The following PPT1 variants were observed in gnomAD, a reference collection of about 807,000 sequenced individuals.
PPT1 encodes the protein ceroid-palmitoyl-palmitoyl-protein thioesterase 1.
PPT1 carries 24 observed loss-of-function variants against 44.0 expected under a neutral mutation model. The ratio of observed to expected loss-of-function variants is 0.54; its 90% confidence interval spans 0.39 to 0.77. The LOEUF is 0.77. Ranked by LOEUF, PPT1 falls within the 30% of genes least tolerant of loss-of-function variation. The pLI is 0.00. For synonymous variants in PPT1, 148 were observed against 140.2 expected (o/e 1.06, Z -0.39); for missense variants, 341 against 378.8 (o/e 0.90, Z 0.83).
At position 40,073,301 on chromosome 1, in the gene PPT1, G is replaced by A. The variant is rs1557704125; in HGVS notation, c.*760C>T. 6.6e-6 allele frequency: 1 copy of A among 152,302 alleles called. No individual in the cohort carries two copies. The highest frequency in any genetic ancestry group is 1.5e-5 in the Non-Finnish European group (1 of 68,122). The allele number at this position is 152,302 out of a possible 1,614,324, so 9.4% of individuals were successfully genotyped here. A position where few individuals can be genotyped will look rare whatever the true frequency, so the allele number is the denominator to read the frequency against. On this transcript the variant is annotated 3_prime_UTR_variant, in exon 9 of 9. Transcript: ENST00000642050. ...CATATTAAGAAAGGGCAGGTTGGTC[G>A]AGAATGGAATAGGAAGAACTAGCTG...
rs1164619144 is a variant in PPT1, at chr1:40,084,682, C to T, written c.537-4195G>A. Among the ~76,000 whole-genome samples, 5 of 152,222 alleles carry T rather than the reference C, an allele frequency of 3.3e-5. No individual in the cohort carries two copies. The East Asian group carries it at 7.7e-4, about 23-fold the overall frequency. On this transcript the variant is annotated intron_variant, in intron 5 of 8. Coordinates refer to ENST00000642050, the MANE Select transcript of PPT1 (RefSeq NM_000310.4). Reference sequence around the variant, plus strand: ...AGTTATCCTAGACCTAGATCATAAACATGATTATATATGAATACCATTCAT... The same window carrying T: ...AGTTATCCTAGACCTAGATCATAAATATGATTATATATGAATACCATTCAT...
In PPT1 at chr1:40,096,604, C is replaced by T. The variant is rs556832415; in HGVS notation, c.124+511G>A. 2.0e-5 allele frequency among the ~76,000 whole-genome samples: 3 copies of T among 151,796 alleles called. No homozygotes were observed. In the East Asian group the frequency reaches 5.8e-4, roughly 29 times the overall value. On this transcript the variant is annotated intron_variant, in intron 1 of 8. Coordinates refer to ENST00000642050, the MANE Select transcript of PPT1 (RefSeq NM_000310.4). ...GAAAAATAAATAAATTTCCTGTTTA[C>T]ACTTGGGTCCCACCCCCCAGATCTC...
At position 40,091,361 on chromosome 1, in the gene PPT1, A is replaced by G. The variant is rs1800205; in HGVS notation, c.401T>C (p.Ile134Thr). The G allele has an allele frequency of 0.052, 83,573 of 1,613,744 alleles. 2,964 individuals carry two copies. The highest frequency in any genetic ancestry group is 0.12 in the East Asian group (5,594 of 44,878). The stretch of plus-strand genomic sequence containing the variant: ...TTGTCCCCCAACCGAGATCAGATTG[A>G]TCATGGGAGGTGAAGGGCATCTCTG... ...VAQRCPSPPM[I>T]NLISVGGQHQ... Residue 134 changes from isoleucine (I) to threonine (T), a missense_variant, in exon 4 of 9, where the codon ATC becomes ACC. Transcript: ENST00000642050.
At chr1:40,086,803 CA>C (rs2124481436) in intron 5 of PPT1, among the ~76,000 whole-genome samples, 1 of 151,960 alleles carries the variant, frequency 6.6e-6, no homozygotes, top group African/African-American at 2.4e-5. Flanking sequence ...GAGAGAGAAG[CA>C]ACAATGGCAC....
chr1:40,079,534 T>C (rs1418690398), intron 6 of PPT1, among the ~76,000 whole-genome samples: 1 of 151,544 alleles, frequency 6.6e-6, no homozygotes, highest in African/African-American at 2.4e-5. Flanking sequence ...GTAGCTGGGA[T>C]TACAGGTGAT....
chr1:40,078,096 T>A (rs1648720827), intron 7 of PPT1, among the ~76,000 whole-genome samples: 1 of 152,192 alleles, frequency 6.6e-6, no homozygotes, highest in Non-Finnish European at 1.5e-5. Flanking sequence ...AGTGTCCCAT[T>A]TATGGACCTC....
At chr1:40,092,571 C>A in intron 1 of PPT1, 64 bp from the exon 2 acceptor site, 1 of 1,307,754 alleles carries the variant, frequency 7.6e-7, no homozygotes, top group Non-Finnish European at 1.1e-6. Flanking sequence ...TTTAAAAACT[C>A]TGAGGCCTCA....
rs995319211 is a variant in PPT1, at chr1:40,073,495, T to C, written c.*566A>G. The C allele has an allele frequency of 6.4e-6, 1 of 156,894 alleles. No individual in the cohort carries two copies. Among genetic ancestry groups the C allele is most frequent in the Admixed American group, 6.2e-5 (1 of 16,156 alleles). The allele number at this position is 156,894 out of a possible 1,614,324, so 9.7% of individuals were successfully genotyped here. A position where few individuals can be genotyped will look rare whatever the true frequency, so the allele number is the denominator to read the frequency against. ...AGTGGGTGCTGCAGAAGCAAGACTG[T>C]AGGCCAGTGGGATTTGTCTAATAAT... On this transcript the variant is annotated 3_prime_UTR_variant, in exon 9 of 9. Coordinates refer to ENST00000642050, the MANE Select transcript of PPT1 (RefSeq NM_000310.4).
chr1:40,073,906 C>T lies in PPT1; in HGVS notation c.*155G>A. ...ACAGAAGATGGCAAAGGATAAGATTCAGATCTTAGATCTTTCCAAGTAGGG... is the reference window on the plus strand; with the variant it reads ...ACAGAAGATGGCAAAGGATAAGATTTAGATCTTAGATCTTTCCAAGTAGGG... On this transcript the variant is annotated 3_prime_UTR_variant, in exon 9 of 9. Coordinates refer to ENST00000642050, the MANE Select transcript of PPT1 (RefSeq NM_000310.4). 3 of 1,014,938 alleles carry T rather than the reference C, an allele frequency of 3.0e-6. No homozygotes were observed. In the South Asian group the frequency reaches 4.1e-5, roughly 14 times the overall value. 62.9% of individuals were successfully genotyped at this position (1,014,938 alleles called of 1,614,324 possible).
rs116384686 is a variant in PPT1, at chr1:40,094,948, T to C, written c.124+2167A>G. 9.8e-4 allele frequency among the ~76,000 whole-genome samples: 150 copies of C among 152,288 alleles called. 1 individual carries two copies. Among genetic ancestry groups the C allele is most frequent in the African/African-American group, 3.3e-3 (136 of 41,556 alleles). Reference sequence around the variant, plus strand: ...CCCACTGTAGTAGCCCCAGGGCCTGTTGGAGAACCTTGCAAGTGTTTGTAT... The same window carrying C: ...CCCACTGTAGTAGCCCCAGGGCCTGCTGGAGAACCTTGCAAGTGTTTGTAT... On this transcript the variant is annotated intron_variant, in intron 1 of 8. Coordinates refer to ENST00000642050, the MANE Select transcript of PPT1 (RefSeq NM_000310.4).
intron 5 of PPT1, among the ~76,000 whole-genome samples, chr1:40,087,910 A>G (rs908067439): frequency 6.6e-6 from 1 of 152,144 alleles, no homozygotes; most frequent in Admixed American, 6.6e-5. Flanking sequence ...GACCCAAAAC[A>G]GCTTTGTGGC....
downstream of PPT1, chr1:40,071,525 G>C: frequency 6.2e-7 from 1 of 1,611,424 alleles, no homozygotes; most frequent in Middle Eastern, 1.7e-4. Context: ...GACAGAAATT[G>C]CTGGATAAGC....
intron 5 of PPT1, among the ~76,000 whole-genome samples, chr1:40,084,081 C>T (rs775170572): frequency 1.4e-4 from 21 of 151,982 alleles, no homozygotes; most frequent in Non-Finnish European, 2.6e-4. Context: ...ATTCATGATT[C>T]ACGGGAAGAG....
chr1:40,075,477 CTTTT>C (rs5773686), intron 8 of PPT1, among the ~76,000 whole-genome samples: 1 of 144,702 alleles, frequency 6.9e-6, no homozygotes, highest in Non-Finnish European at 1.5e-5. Flanking sequence ...TTTCTCAAGC[CTTTT>C]TTTTTTTTTT....
chr1:40,088,939 A>G (rs1439942286), intron 5 of PPT1, among the ~76,000 whole-genome samples: 1 of 152,084 alleles, frequency 6.6e-6, no homozygotes. Context: ...TAGTTAATAG[A>G]CTTTTTGGAG....
chr1:40,094,780 T>C (rs557982919), intron 1 of PPT1, among the ~76,000 whole-genome samples: 3 of 152,316 alleles, frequency 2.0e-5, no homozygotes, highest in Admixed American at 6.5e-5. Flanking sequence ...GCCTAGAGAA[T>C]TGTCTATTCC....
rs1649440200 is a variant in PPT1, at chr1:40,089,480, T to G, written c.466A>C (p.Ser156Arg). The G allele has an allele frequency of 6.2e-7, 1 of 1,613,858 alleles. No individual in the cohort carries two copies. The highest frequency in any genetic ancestry group is 1.3e-5 in the African/African-American group (1 of 74,844). ...VFGLPRCPGESSHICDFIRKT... is the reference protein window; with the variant it reads ...VFGLPRCPGERSHICDFIRKT... ...CGGATGAAGTCACAGATGTGAGAGC[T>G]CTCTCCTGGGCATCGAGGGAGTCCA... The change falls in exon 5 of 9, where the codon AGC becomes CGC. Residue 156 changes from serine (S) to arginine (R), a missense_variant. Ser to Arg is a moderately radical substitution (Grantham distance 110). Transcript: ENST00000642050.
chr1:40,083,961 T>C (rs367747122), intron 5 of PPT1, among the ~76,000 whole-genome samples: 2 of 152,076 alleles, frequency 1.3e-5, no homozygotes, highest in East Asian at 3.9e-4. Flanking sequence ...GGTGGGAGGA[T>C]TGCTTGAGCC....
At chr1:40,091,953 A>G (rs1007003423) in intron 3 of PPT1, 92 bp downstream of exon 3, 2 of 1,480,800 alleles carry the variant, frequency 1.4e-6, no homozygotes, top group Non-Finnish European at 1.9e-6. Context: ...AAGATAGGTG[A>G]CAATCTTGAA....
Sources: gnomAD v4.1 joint callset for allele counts (sites outside exome capture counted in the v4.1 genomes callset) on GRCh38, gnomAD v4.1.1 for gene constraint, MANE v1.5 for transcripts, NCBI Gene and HGNC (gene_info 2026-07-23, HGNC 2026-07-21) for gene names.